MTREX: variants seen among roughly 807,000 people sequenced by gnomAD.
MTREX encodes Mtr4 exosome RNA helicase.
MTREX carries 76 observed loss-of-function variants against 135.4 expected under a neutral mutation model. That is an observed-to-expected ratio of 0.56 (90% CI 0.47 to 0.68). MTREX has a LOEUF of 0.68. Ranked by LOEUF, MTREX falls within the 30% of genes least tolerant of loss-of-function variation. The pLI is 0.00. For missense variants in MTREX, 920 were observed against 1,262.1 expected, an observed-to-expected ratio of 0.73 and a Z score of 4.11; for synonymous variants, 404 against 401.6, an observed-to-expected ratio of 1.01 and a Z score of -0.07.
At chr5:55,410,973 A>G (rs1750877079) in intron 23 of MTREX, among the ~76,000 whole-genome samples, 1 of 152,204 alleles carries the variant, frequency 6.6e-6, no homozygotes, top group Non-Finnish European at 1.5e-5. Context: ...GATAAAAATA[A>G]AAGGGGGAAG....
At chr5:55,397,624 T>C (rs1579892798) in intron 20 of MTREX, 98 bp downstream of exon 20, 2 of 635,932 alleles carry the variant, frequency 3.1e-6, no homozygotes, top group East Asian at 3.0e-5. Flanking sequence ...ATTGCTTTCT[T>C]TCAGAATACC....
At chr5:55,337,023 C>A (rs1180468658) in intron 5 of MTREX, among the ~76,000 whole-genome samples, 1 of 152,134 alleles carries the variant, frequency 6.6e-6, no homozygotes, top group African/African-American at 2.4e-5. Context: ...ACTAGTGAAG[C>A]CATTTAAGCC....
intron 18 of MTREX, among the ~76,000 whole-genome samples, chr5:55,385,900 G>A (rs1017752935): frequency 2.0e-5 from 3 of 152,150 alleles, no homozygotes; most frequent in African/African-American, 7.2e-5. Flanking sequence ...ATCAGTTGAT[G>A]AGAGTTCTTT....
chr5:55,309,527 CATTA>C lies in MTREX; in HGVS notation c.134+1386_134+1389del, dbSNP rs141170792. On this transcript the variant is annotated intron_variant, in intron 1 of 26. Transcript: ENST00000230640. ...GTTAAGGAAAAAATGGACAGGCCTT[CATTA>C]ATTAAGGAAAACAAGGGAAAGGAAG... Among the ~76,000 whole-genome samples the C allele has an allele frequency of 7.0e-3, 1,057 of 152,016 alleles. 13 individuals carry two copies. The highest frequency in any genetic ancestry group is 0.024 in the African/African-American group (990 of 41,452).
At chr5:55,399,134 C>T (rs1045655731) in intron 20 of MTREX, among the ~76,000 whole-genome samples, 8 of 152,190 alleles carry the variant, frequency 5.3e-5, no homozygotes, top group African/African-American at 9.7e-5. Flanking sequence ...TGTGCTGACA[C>T]TAGCCTGCTT....
intron 14 of MTREX, among the ~76,000 whole-genome samples, chr5:55,354,841 G>A (rs1017103505): frequency 6.6e-6 from 1 of 152,218 alleles, no homozygotes; most frequent in Non-Finnish European, 1.5e-5. Context: ...GTGGTGGGGG[G>A]AAGGTACCAT....
chr5:55,423,895 A>G (rs1291201115), intron 26 of MTREX: 1 of 152,230 alleles, frequency 6.6e-6, no homozygotes, highest in African/African-American at 2.4e-5. Context: ...AAACTGGCTG[A>G]TATTTCCACA....
chr5:55,413,335 CAAAA>C (rs34179127), intron 23 of MTREX, among the ~76,000 whole-genome samples: 1 of 84,458 alleles, frequency 1.2e-5, no homozygotes. Flanking sequence ...GACTCTGTCT[CAAAA>C]AAAAAAAAAA....
chr5:55,389,234 A>G (rs779510357), intron 19 of MTREX, among the ~76,000 whole-genome samples: 1 of 152,224 alleles, frequency 6.6e-6, no homozygotes, highest in Non-Finnish European at 1.5e-5. Context: ...ACAGTTAGGC[A>G]TATACTCTTT....
At chr5:55,344,994 A>T (rs1014603050) in intron 9 of MTREX, 100 bp from the exon 10 acceptor site, 16 of 705,622 alleles carry the variant, frequency 2.3e-5, no homozygotes, top group South Asian at 1.1e-4. Context: ...TTTCATTATT[A>T]TACTAAATTA....
chr5:55,368,948 T>C (rs1750150053), intron 16 of MTREX, among the ~76,000 whole-genome samples: 1 of 152,154 alleles, frequency 6.6e-6, no homozygotes, highest in Admixed American at 6.5e-5. Flanking sequence ...TTTCAAATCA[T>C]ATTACATTTT....
rs1751116749 is a variant in MTREX at position 55,424,534 on chromosome 5, T to C, written c.3077-186T>C. On this transcript the variant is annotated intron_variant, in intron 26 of 26. Coordinates refer to ENST00000230640, the MANE Select transcript of MTREX (RefSeq NM_015360.5). ...AGAGTCAAAAGAACAGGGGTCTGGC[T>C]TGTATGTTTTCCACCTCACAGAGGT... 7 of 558,128 alleles carry C rather than the reference T, an allele frequency of 1.3e-5. No individual in the cohort carries two copies. In the South Asian group the frequency reaches 1.4e-4, roughly 11 times the overall value. The allele number at this position is 558,128 out of a possible 1,614,324, so 34.6% of individuals were successfully genotyped here.
At chr5:55,344,942 A>C in intron 9 of MTREX, 152 bp from the exon 10 acceptor site, 1 of 577,392 alleles carries the variant, frequency 1.7e-6, no homozygotes, top group South Asian at 2.7e-5. Context: ...TTCACCTTTT[A>C]ATACCTCTTA....
Position 55,388,050 on chromosome 5 carries a change from C to T in MTREX, c.2129C>T (p.Ser710Leu), listed in dbSNP as rs1750507061. ...TGTAGCAAAGAGAGCTTGAAAAATTCAGCTACAGAAGCTGCAAAACCAGCT... is the reference window on the plus strand; with the variant it reads ...TGTAGCAAAGAGAGCTTGAAAAATTTAGCTACAGAAGCTGCAAAACCAGCT... The part of the protein sequence containing the change: ...LRCSKESLKN[S>L]ATEAAKPAKP... Residue 710 changes from serine to leucine, a missense_variant, in exon 19 of 27, where the codon TCA becomes TTA. Coordinates refer to ENST00000230640, the MANE Select transcript of MTREX (RefSeq NM_015360.5). 1 of 1,609,124 alleles carries T rather than the reference C, an allele frequency of 6.2e-7. No individual in the cohort carries two copies.
chr5:55,424,545 C>T (rs1025954230), intron 26 of MTREX, 175 bp from the exon 27 acceptor site: 2 of 567,772 alleles, frequency 3.5e-6, no homozygotes, highest in Non-Finnish European at 6.4e-6. Context: ...TGTATGTTTT[C>T]CACCTCACAG....
At chr5:55,314,114 C>CTTG (rs367808621) in intron 1 of MTREX, among the ~76,000 whole-genome samples, 54 of 151,938 alleles carry the variant, frequency 3.6e-4, no homozygotes, top group Non-Finnish European at 5.9e-4. Context: ...AAGTCTGTTT[C>CTTG]TTGTTGTTGT....
chr5:55,351,022 TG>T lies in MTREX; in HGVS notation c.1425del (p.Ile476Ter). Reference protein sequence around the residue: ...ETIEILFSEGLIKALFATETF... With the variant: ...ETIEILFSEGXIKALFATETF... ...ATAGAAATTCTCTTTTCTGAAGGATTGATAAAGGTATGGTTTTATTTTTATT... is the reference window on the plus strand; with the variant it reads ...ATAGAAATTCTCTTTTCTGAAGGATTATAAAGGTATGGTTTTATTTTTATT... On this transcript the variant is annotated frameshift_variant, in exon 13 of 27. Coordinates refer to ENST00000230640, the MANE Select transcript of MTREX (RefSeq NM_015360.5). LOFTEE classifies it high-confidence loss of function. 6.3e-7 allele frequency: 1 copy of T among 1,599,992 alleles called. No individual in the cohort carries two copies. The highest frequency in any genetic ancestry group is 1.2e-5 in the South Asian group (1 of 86,912).
intron 1 of MTREX, 98 bp downstream of exon 1, chr5:55,308,245 C>T (rs1749003316): frequency 6.5e-6 from 9 of 1,383,078 alleles, no homozygotes; most frequent in South Asian, 3.0e-5. Context: ...GTGAAGTGTA[C>T]ATTGAGTGGC....
Position 55,379,062 on chromosome 5 carries a change from A to G in MTREX, c.1984-65A>G. ...TTTATTAGTCTAGAATGTAGGTGTG[A>G]AAGGCTGAAATTGCCTTGTAGATAT... On this transcript the variant is annotated intron_variant, in intron 17 of 26. Transcript: ENST00000230640. 9.9e-6 allele frequency: 11 copies of G among 1,112,872 alleles called. No individual in the cohort carries two copies. The South Asian group carries it at 1.4e-4, about 14-fold the overall frequency. The allele number at this position is 1,112,872 out of a possible 1,614,324, so 68.9% of individuals were successfully genotyped here. A position where few individuals can be genotyped will look rare whatever the true frequency, so the allele number is the denominator to read the frequency against.
Sources: allele counts gnomAD v4.1 joint callset (sites outside exome capture counted in the v4.1 genomes callset), GRCh38; gene constraint gnomAD v4.1.1; transcripts MANE v1.5; gene names NCBI Gene and HGNC (gene_info 2026-07-23, HGNC 2026-07-21).